C2orf92: variants seen among roughly 807,000 people sequenced by gnomAD.
The protein encoded by C2orf92 is uncharacterized protein C2orf92.
At chr2:97,679,609 A>G (rs905053700) in intron 3 of C2orf92, among the ~76,000 whole-genome samples, 3 of 152,106 alleles carry the variant, frequency 2.0e-5, no homozygotes, top group Admixed American at 2.0e-4. Flanking sequence ...TGGGAGGCTG[A>G]GGTGGGGGGA....
intron 3 of C2orf92, among the ~76,000 whole-genome samples, chr2:97,681,663 C>T (rs1675779218): frequency 1.3e-5 from 2 of 152,224 alleles, no homozygotes. Flanking sequence ...TCGAGACCAT[C>T]CTGGCTAACA....
chr2:97,668,753 A>C (rs1675313307), upstream of C2orf92: 1 of 152,264 alleles, frequency 6.6e-6, no homozygotes. Context: ...TCCCAGGTGC[A>C]AGTGATTCTC....
In C2orf92 at chr2:97,700,759, T is replaced by C. The variant is rs1179530657; in HGVS notation, c.515-395T>C. On this transcript the variant is annotated intron_variant, in intron 6 of 7. Transcript: ENST00000627399. ...TTTTTTTTGAGATGGAGTCTCACTC[T>C]TTTGCCCAGGCTGGAGTGCAGTGGT... 2.6e-5 allele frequency among the ~76,000 whole-genome samples: 4 copies of C among 151,030 alleles called. No homozygotes were observed. In the East Asian group the frequency reaches 7.8e-4, roughly 30 times the overall value.
At chr2:97,675,979 T>C (rs1348894401) in intron 3 of C2orf92, 51 bp downstream of exon 3, 1 of 398,492 alleles carries the variant, frequency 2.5e-6, no homozygotes. Flanking sequence ...AAGAGTTGCA[T>C]GCTTGTCCCT....
intron 3 of C2orf92, among the ~76,000 whole-genome samples, chr2:97,684,365 G>A (rs1313881515): frequency 6.6e-6 from 1 of 152,162 alleles, no homozygotes; most frequent in African/African-American, 2.4e-5. Context: ...GGATGTCAAA[G>A]CCAACAGAGT....
At chr2:97,673,202 C>A (rs1463982467) in intron 1 of C2orf92, among the ~76,000 whole-genome samples, 1 of 152,136 alleles carries the variant, frequency 6.6e-6, no homozygotes, top group South Asian at 2.1e-4. Context: ...GGACAGCTTT[C>A]CCCTTTGTGT....
chr2:97,679,995 A>G (rs1675712307), intron 3 of C2orf92, among the ~76,000 whole-genome samples: 1 of 152,186 alleles, frequency 6.6e-6, no homozygotes, highest in South Asian at 2.1e-4. Flanking sequence ...CACAACACAC[A>G]TATACACAAC....
In C2orf92 at chr2:97,702,847, A is replaced by C. The variant is rs1434350408; in HGVS notation, c.*46A>C. The C allele has an allele frequency of 2.5e-6, 1 of 398,794 alleles. No homozygotes were observed. Among genetic ancestry groups the C allele is most frequent in the East Asian group, 3.6e-5 (1 of 28,094 alleles). 24.7% of individuals were successfully genotyped at this position (398,794 alleles called of 1,614,324 possible). ...AACCAGGACTTGAAACCACAATGCG[A>C]GGACATTCTCCATCTGCGCACCACA... On this transcript the variant is annotated 3_prime_UTR_variant, in exon 8 of 8. Coordinates refer to ENST00000627399, the MANE Select transcript of C2orf92 (RefSeq NM_001351368.2).
At chr2:97,678,089 A>T (rs895512576) in intron 3 of C2orf92, among the ~76,000 whole-genome samples, 1 of 151,844 alleles carries the variant, frequency 6.6e-6, no homozygotes, top group Non-Finnish European at 1.5e-5. Flanking sequence ...AGTCCCACCT[A>T]CTCGGGAGGC....
upstream of C2orf92, chr2:97,665,725 CTCTCTCTCTCTCTA>C (rs1280437847): frequency 1.2e-3 from 55 of 45,160 alleles, no homozygotes; most frequent in African/African-American, 1.4e-3. Flanking sequence ...CTCTCTCTCT[CTCTCTCTCTCTCTA>C]TATATATATA....
chr2:97,697,164 G>A (rs948250478), intron 5 of C2orf92: 1 of 152,164 alleles, frequency 6.6e-6, no homozygotes, highest in Non-Finnish European at 1.5e-5. Flanking sequence ...GTCATAGTTA[G>A]TAGTTCTAAA....
At chr2:97,696,906 A>G (rs1048710791) in intron 5 of C2orf92, among the ~76,000 whole-genome samples, 4 of 152,232 alleles carry the variant, frequency 2.6e-5, no homozygotes, top group African/African-American at 4.8e-5. Flanking sequence ...ACATAGCATC[A>G]GTCCTAGCAA....
Position 97,699,114 on chromosome 2 carries a change from A to G in C2orf92, c.492A>G (p.Thr164=). ...REQLTTIDKE[T]LQGAAKPDAH... ...AGTTAACTACTATAGATAAAGAAAC[A>G]CTTCAAGGAGCAGCTAAACCAGGTG... is the stretch of plus-strand genomic sequence containing the variant. Residue 164 remains threonine (T), a synonymous_variant, in exon 6 of 8, where the codon ACA becomes ACG. Transcript: ENST00000627399. 2 of 398,596 alleles carry G rather than the reference A, an allele frequency of 5.0e-6. No homozygotes were observed. Among genetic ancestry groups the G allele is most frequent in the Non-Finnish European group, 8.8e-6 (2 of 226,058 alleles). The allele number at this position is 398,596 out of a possible 1,614,324, so 24.7% of individuals were successfully genotyped here.
In C2orf92 at chr2:97,686,475, A is replaced by C. The variant is rs993620962; in HGVS notation, c.233-2420A>C. Among the ~76,000 whole-genome samples, 5 of 151,964 alleles carry C rather than the reference A, an allele frequency of 3.3e-5. No homozygotes were observed. The East Asian group carries it at 9.8e-4, about 30-fold the overall frequency. On this transcript the variant is annotated intron_variant, in intron 3 of 7. Transcript: ENST00000627399. ...TGCCCTGTCACCCAGGCTGGAGTGCAATGGCGCGATATCAGCTCACTGCAA... is the reference window on the plus strand; with the variant it reads ...TGCCCTGTCACCCAGGCTGGAGTGCCATGGCGCGATATCAGCTCACTGCAA...
At chr2:97,670,108 CAT>C (rs1675363603) in intron 1 of C2orf92, 2 of 316,688 alleles carry the variant, frequency 6.3e-6, no homozygotes, top group Admixed American at 5.0e-5. Flanking sequence ...CATTTCCAAA[CAT>C]ATGCAAAAGT....
At chr2:97,685,841 G>A (rs910759360) in intron 3 of C2orf92, among the ~76,000 whole-genome samples, 7 of 152,218 alleles carry the variant, frequency 4.6e-5, no homozygotes, top group African/African-American at 1.4e-4. Flanking sequence ...GGGATTACAG[G>A]TGTGAGCCAC....
At chr2:97,676,160 A>T (rs1675570477) in intron 3 of C2orf92, among the ~76,000 whole-genome samples, 1 of 152,140 alleles carries the variant, frequency 6.6e-6, no homozygotes, top group Non-Finnish European at 1.5e-5. Context: ...ATGGAGCAGG[A>T]GCAGGGCTAC....
chr2:97,699,290 T>C (rs1220992857), intron 6 of C2orf92, among the ~76,000 whole-genome samples, 154 bp downstream of exon 6: 1 of 152,154 alleles, frequency 6.6e-6, no homozygotes, highest in African/African-American at 2.4e-5. Context: ...GCAGTTAAAA[T>C]TTATGAATTA....
At position 97,689,007 on chromosome 2, in the gene C2orf92, A is replaced by G. The variant is rs966416736; in HGVS notation, c.331+14A>G. The G allele has an allele frequency of 5.8e-5, 23 of 398,498 alleles. No homozygotes were observed. The highest frequency in any genetic ancestry group is 9.7e-5 in the Non-Finnish European group (22 of 226,068). 24.7% of individuals were successfully genotyped at this position (398,498 alleles called of 1,614,324 possible). ...ACATGAGAAAAGGCAAGTGTATGTC[A>G]TTAACATAATAAGTGCACACATTTC... is the stretch of plus-strand genomic sequence containing the variant. On this transcript the variant is annotated intron_variant, in intron 4 of 7. Transcript: ENST00000627399.
Sources: allele counts gnomAD v4.1 joint callset (sites outside exome capture counted in the v4.1 genomes callset), GRCh38; gene constraint gnomAD v4.1.1; transcripts MANE v1.5; gene names NCBI Gene and HGNC (gene_info 2026-07-23, HGNC 2026-07-21).